LIG1: variants seen among roughly 807,000 people sequenced by gnomAD.
LIG1 encodes the protein DNA ligase 1.
In LIG1, 70 loss-of-function variants were observed where a neutral mutation model predicts 115.7. The observed-to-expected ratio is 0.60, with a 90% confidence interval of 0.50 to 0.74. The LOEUF (loss-of-function observed/expected upper bound fraction) is 0.74. Ranked by LOEUF, LIG1 falls within the 30% of genes least tolerant of loss-of-function variation. The pLI is 0.00. For synonymous variants in LIG1, 487 were observed against 495.3 expected (o/e 0.98, Z 0.22); for missense variants, 1,115 against 1,225.6 (o/e 0.91, Z 1.35).
At chr19:48,143,856 G>T (rs370911169) in intron 10 of LIG1, 27 bp downstream of exon 10, 5 of 1,583,212 alleles carry the variant, frequency 3.2e-6, no homozygotes, top group Non-Finnish European at 4.3e-6. Context: ...ACCGGAGGGG[G>T]ACAGTCTGAA....
chr19:48,166,430 C>G (rs1568561997), intron 1 of LIG1, among the ~76,000 whole-genome samples: 1 of 152,044 alleles, frequency 6.6e-6, no homozygotes, highest in Non-Finnish European at 1.5e-5. Context: ...ATAAATGTAT[C>G]CACATATCTT....
In LIG1 at chr19:48,156,938, C is replaced by CTCA; in HGVS notation, c.370+75_370+76insTGA. 8.3e-6 allele frequency: 5 copies of CTCA among 604,660 alleles called. No individual in the cohort carries two copies. In the South Asian group the frequency reaches 1.0e-4, roughly 12 times the overall value. 37.5% of individuals were successfully genotyped at this position (604,660 alleles called of 1,614,324 possible). ...TAGGCAACAGAGCGAGACTATGTCT[C>CTCA]AAAAAAAAAAAAAAAAAAAAAAAAG... On this transcript the variant is annotated intron_variant, in intron 5 of 27. Transcript: ENST00000263274.
chr19:48,153,314 T>G (rs3730895), intron 6 of LIG1, among the ~76,000 whole-genome samples: 70,107 of 151,290 alleles, frequency 0.46, 16,457 homozygotes, highest in East Asian at 0.68. Flanking sequence ...AGGAGCATCA[T>G]AAAAAAATTA....
At chr19:48,123,122 C>T in intron 22 of LIG1, 52 bp downstream of exon 22, 2 of 1,613,522 alleles carry the variant, frequency 1.2e-6, no homozygotes, top group Non-Finnish European at 1.7e-6. Flanking sequence ...GGCTGGGAGG[C>T]CGGGGTCAGC....
At chr19:48,147,450 G>A (rs2035188136) in intron 9 of LIG1, 1 of 152,140 alleles carries the variant, frequency 6.6e-6, no homozygotes, top group Non-Finnish European at 1.5e-5. Flanking sequence ...GCTGAGGTGG[G>A]AGGATCACTT....
At chr19:48,170,171 C>T (rs3730841) in intron 1 of LIG1, 70 bp downstream of exon 1, 9,423 of 454,628 alleles carry the variant, frequency 0.021, 238 homozygotes, top group African/African-American at 0.062. Flanking sequence ...CATGGCGAAG[C>T]ATAGGCCCCA....
rs764667785 is a variant in LIG1, at chr19:48,137,599, T to A, written c.1177A>T (p.Met393Leu). 6.2e-7 allele frequency: 1 copy of A among 1,613,056 alleles called. No homozygotes were observed. The highest frequency in any genetic ancestry group is 1.3e-5 in the African/African-American group (1 of 74,936). ...GCAGTGAGCGGAGGTGGTGGCAGCA[T>A]GAGCCTCTGGGTGCTGCGGCTGTTC... ...AENSRSTQRL[M>L]LPPPPLTASG... The change falls in exon 13 of 28, where the codon ATG becomes TTG. Residue 393 changes from methionine (M) to leucine (L), a missense_variant. Transcript: ENST00000263274. The surrounding 1 kb of genome is among the most constrained non-coding windows in gnomAD (Gnocchi z 4.3).
chr19:48,132,304 CT>C (rs1437249928), intron 18 of LIG1, among the ~76,000 whole-genome samples: 1 of 152,128 alleles, frequency 6.6e-6, no homozygotes, highest in Non-Finnish European at 1.5e-5. Flanking sequence ...CCAAGGACGC[CT>C]GAGGCCCTGG....
chr19:48,162,224 A>C, intron 3 of LIG1, 38 bp downstream of exon 3: 1 of 1,564,232 alleles, frequency 6.4e-7, no homozygotes, highest in Non-Finnish European at 8.8e-7. Context: ...CTGACTGCTA[A>C]AGGAAAAAAT....
rs1568478497 is a variant in LIG1, at chr19:48,121,194, A to T, written c.2361T>A (p.Ser787Arg). ...CCTTGCATATGGCCTGCAGCTCCTC[A>T]CTGTCCTCGTCGTAGGAGGCCAGCA... ...GFLLASYDEDSEELQAICKLG... is the reference protein window; with the variant it reads ...GFLLASYDEDREELQAICKLG... Residue 787 changes from serine to arginine, a missense_variant, in exon 24 of 28, where the codon AGT (serine) becomes AGA (arginine). By Grantham distance (110) the Ser-to-Arg change is moderately radical. Transcript: ENST00000263274. The T allele has an allele frequency of 6.2e-7, 1 of 1,613,710 alleles. No homozygotes were observed. The highest frequency in any genetic ancestry group is 1.3e-5 in the African/African-American group (1 of 74,916).
In LIG1 at chr19:48,115,683, T is replaced by C; in HGVS notation, c.2726A>G (p.Glu909Gly). The change falls in exon 28 of 28, where the codon GAG becomes GGG. Residue 909 changes from glutamate to glycine, a missense_variant. Coordinates refer to ENST00000263274, the MANE Select transcript of LIG1 (RefSeq NM_000234.3). ...KQSQIQNQQG[E>G]DSGSDPEDTY ...ATCTTCAGGGTCAGAGCCTGAGTCC[T>C]CGCCTTGTTGGTTCTGAATCTGACT... 2 of 1,614,166 alleles carry C rather than the reference T, an allele frequency of 1.2e-6. No individual in the cohort carries two copies. The highest frequency in any genetic ancestry group is 1.6e-4 in the Middle Eastern group (1 of 6,062).
chr19:48,134,112 TCACA>T, intron 16 of LIG1, 46 bp from the exon 17 acceptor site: 1 of 1,509,004 alleles, frequency 6.6e-7, no homozygotes, highest in Non-Finnish European at 9.0e-7. Context: ...TTTCTAGAAC[TCACA>T]CAGTTTGGAA....
intron 4 of LIG1, among the ~76,000 whole-genome samples, chr19:48,160,094 A>C (rs1433611190): frequency 6.6e-6 from 1 of 152,240 alleles, no homozygotes; most frequent in Non-Finnish European, 1.5e-5. Context: ...CAGAGCCCCC[A>C]GAAATGAACG....
At chr19:48,170,175 G>A (rs967112503) in intron 1 of LIG1, 66 bp downstream of exon 1, 41 of 454,510 alleles carry the variant, frequency 9.0e-5, no homozygotes, top group Non-Finnish European at 1.2e-4. Context: ...GCGAAGCATA[G>A]GCCCCAAGCA....
At chr19:48,155,155 T>C (rs1163454166) in intron 5 of LIG1, among the ~76,000 whole-genome samples, 1 of 152,068 alleles carries the variant, frequency 6.6e-6, no homozygotes, top group Non-Finnish European at 1.5e-5. Context: ...GACTTCCTTA[T>C]GGCCACCTTT....
At chr19:48,117,398 G>C (rs1401443342) in intron 26 of LIG1, among the ~76,000 whole-genome samples, 1 of 152,052 alleles carries the variant, frequency 6.6e-6, no homozygotes, top group Non-Finnish European at 1.5e-5. Flanking sequence ...GACCTCAAGT[G>C]ATCTGCCTGC....
rs868729037 is a variant in LIG1 at position 48,122,304 on chromosome 19, C to T, written c.2232+630G>A. On this transcript the variant is annotated intron_variant, in intron 23 of 27. Transcript: ENST00000263274. This position sits in a 1 kb window ranked among gnomAD's most constrained non-coding sequence, Gnocchi z 4.3. ...ACAACCTGTGACTCCCGGCACGGAA[C>T]CCCCACTGACTTCCTGAAACCTTCA... 6.3e-6 allele frequency: 1 copy of T among 158,504 alleles called. No homozygotes were observed. Among genetic ancestry groups the T allele is most frequent in the Non-Finnish European group, 1.4e-5 (1 of 71,666 alleles). The allele number at this position is 158,504 out of a possible 1,614,324, so 9.8% of individuals were successfully genotyped here.
Position 48,136,030 on chromosome 19 carries a change from T to G in LIG1, c.1423+4A>C. ...GGATGCAGAGACGGGCCACAGGAGC[T>G]CACCTTGGCCCGGGGGCGTGAGGCT... On this transcript the variant is annotated splice_donor_region_variant and intron_variant, in intron 15 of 27. Coordinates refer to ENST00000263274, the MANE Select transcript of LIG1 (RefSeq NM_000234.3). 1 of 1,557,410 alleles carries G rather than the reference T, an allele frequency of 6.4e-7. No homozygotes were observed. The highest frequency in any genetic ancestry group is 1.2e-5 in the South Asian group (1 of 84,622).
chr19:48,143,597 A>G lies in LIG1; in HGVS notation c.860T>C (p.Val287Ala). The G allele has an allele frequency of 1.9e-6, 3 of 1,606,236 alleles. No homozygotes were observed. Among genetic ancestry groups the G allele is most frequent in the Non-Finnish European group, 2.6e-6 (3 of 1,175,460 alleles). Reference sequence around the variant, plus strand: ...CGTCCGGGCCACAGCCAGGTAAGGAACCCTAGGGAAGGAAAAGAGACGCAA... The same window carrying G: ...CGTCCGGGCCACAGCCAGGTAAGGAGCCCTAGGGAAGGAAAAGAGACGCAA... ...EDACWKPGQK[V>A]PYLAVARTFE... Residue 287 changes from valine (V) to alanine (A), a missense_variant and splice_region_variant, in exon 11 of 28, where the codon GTT becomes GCT. Physicochemically the swap from Val to Ala is moderately conservative, Grantham distance 64. Transcript: ENST00000263274.
Sources: allele counts gnomAD v4.1 joint callset (sites outside exome capture counted in the v4.1 genomes callset), GRCh38; gene constraint gnomAD v4.1.1; non-coding constraint Gnocchi (gnomAD v3.1); transcripts MANE v1.5; gene names NCBI Gene and HGNC (gene_info 2026-07-23, HGNC 2026-07-21).